The following DAXX variants were observed in gnomAD, a reference collection of about 807,000 sequenced individuals.
DAXX encodes the protein death domain-associated protein 6.
DAXX carries 24 observed loss-of-function variants against 61.9 expected under a neutral mutation model. The observed-to-expected ratio is 0.39, with a 90% CI of 0.28 to 0.55. The LOEUF is 0.55. Ranked by LOEUF, DAXX falls within the 20% of genes least tolerant of loss-of-function variation. DAXX has a pLI of 0.69. For missense variants in DAXX, 819 were observed against 935.3 expected (o/e 0.88, Z 1.62); for synonymous variants, 357 against 369.5 (o/e 0.97, Z 0.39).
At chr6:33,322,815 C>A (rs1420486154) in intron 1 of DAXX, 47 bp downstream of exon 1, 1 of 955,538 alleles carries the variant, frequency 1.0e-6, no homozygotes, top group African/African-American at 1.6e-5. Context: ...ACCTCTCCCT[C>A]TATATCCCCG....
Position 33,321,944 on chromosome 6 carries a change from G to T in DAXX, c.-19C>A. The T allele has an allele frequency of 6.3e-7, 1 of 1,596,952 alleles. No individual in the cohort carries two copies. ...TGGCCATAGGGGATCAAATCCCCCG[G>T]AGGGAGGAAGTGGTGGGGATTTCAG... On this transcript the variant is annotated 5_prime_UTR_variant, in exon 2 of 8. Coordinates refer to ENST00000374542, the MANE Select transcript of DAXX (RefSeq NM_001141969.2). This position sits in a 1 kb window ranked among gnomAD's most constrained non-coding sequence, Gnocchi z 7.2.
Position 33,320,848 on chromosome 6 carries a change from G to A in DAXX, c.927C>T (p.Leu309=). The change falls in exon 3 of 8, where the codon CTC becomes CTT. Residue 309 remains leucine (L), a synonymous_variant. Transcript: ENST00000374542. This position sits in a 1 kb window ranked among gnomAD's most constrained non-coding sequence, Gnocchi z 7.1. The part of the protein sequence containing the change: ...RHSLGLPRQQ[L]QLMAQDAFRD... ...GGAAGGCATCCTGAGCCATGAGCTG[G>A]AGCTGCTGTCGGGGGAGGCCAAGGC... is the stretch of plus-strand genomic sequence containing the variant. 4.3e-6 allele frequency: 7 copies of A among 1,614,176 alleles called. No individual in the cohort carries two copies. Among genetic ancestry groups the A allele is most frequent in the Non-Finnish European group, 5.9e-6 (7 of 1,180,018 alleles).
chr6:33,321,607 A>G lies in DAXX; in HGVS notation c.208-40T>C, dbSNP rs1369485618. ...GGAAGAAGGAAGGGGAAGAGAGACA[A>G]GGGAGGGGGTTGAGAGAAAGGGGAG... On this transcript the variant is annotated intron_variant, in intron 2 of 7. Transcript: ENST00000374542. This position sits in a 1 kb window ranked among gnomAD's most constrained non-coding sequence, Gnocchi z 7.2. 6.3e-7 allele frequency: 1 copy of G among 1,583,316 alleles called. No individual in the cohort carries two copies. The highest frequency in any genetic ancestry group is 8.7e-7 in the Non-Finnish European group (1 of 1,155,260).
At position 33,318,821 on chromosome 6, in the gene DAXX, CAA is replaced by C. The variant is rs774769185; in HGVS notation, c.2164-21_2164-20del. ...CACTTGTCTGCAGGGAAGTGAGAGACAAAGAGTCAAAGAGATCTGGAGTACAG... is the reference window on the plus strand; with the variant it reads ...CACTTGTCTGCAGGGAAGTGAGAGACAGAGTCAAAGAGATCTGGAGTACAG... On this transcript the variant is annotated intron_variant, in intron 7 of 7. Coordinates refer to ENST00000374542, the MANE Select transcript of DAXX (RefSeq NM_001141969.2). 6 of 1,429,378 alleles carry C rather than the reference CAA, an allele frequency of 4.2e-6. No individual in the cohort carries two copies. The highest frequency in any genetic ancestry group is 2.3e-5 in the East Asian group (1 of 43,756). 88.5% of individuals were successfully genotyped at this position (1,429,378 alleles called of 1,614,324 possible). A position where few individuals can be genotyped will look rare whatever the true frequency, so the allele number is the denominator to read the frequency against.
Position 33,321,839 on chromosome 6 carries a change from G to A in DAXX, c.87C>T (p.Pro29=). The change falls in exon 2 of 8, where the codon CCC becomes CCT. Residue 29 remains proline, a synonymous_variant. Transcript: ENST00000374542. The surrounding 1 kb of genome is among the most constrained non-coding windows in gnomAD (Gnocchi z 7.2). ...AAQPGPSHPL[P]NAASPGAEAP... ...CTTCTGCCCCAGGTGAGGCCGCATT[G>A]GGGAGTGGGTGGGAGGGCCCTGGCT... The A allele has an allele frequency of 1.9e-6, 3 of 1,612,564 alleles. No homozygotes were observed. The highest frequency in any genetic ancestry group is 2.5e-6 in the Non-Finnish European group (3 of 1,179,120).
Position 33,321,298 on chromosome 6 carries a change from G to A in DAXX, c.477C>T (p.Asn159=), listed in dbSNP as rs772209008. The A allele has an allele frequency of 6.8e-6, 11 of 1,611,620 alleles. No individual in the cohort carries two copies. Among genetic ancestry groups the A allele is most frequent in the Non-Finnish European group, 9.3e-6 (11 of 1,177,656 alleles). Residue 159 remains asparagine, a synonymous_variant, in exon 3 of 8, where the codon AAC becomes AAT. Coordinates refer to ENST00000374542, the MANE Select transcript of DAXX (RefSeq NM_001141969.2). The surrounding 1 kb of genome is among the most constrained non-coding windows in gnomAD (Gnocchi z 7.2). ...GGTCCAAGGAGAGGTGTGTGGGAGG[G>A]TTATTCCCAGAGGGCTCATTGGAGG... ...ATTSNEPSGN[N]PPTHLSLDPT...
chr6:33,321,915 G>C lies in DAXX; in HGVS notation c.11C>G (p.Ala4Gly). 2.5e-6 allele frequency: 4 copies of C among 1,607,890 alleles called. No individual in the cohort carries two copies. Among genetic ancestry groups the C allele is most frequent in the Non-Finnish European group, 3.4e-6 (4 of 1,176,478 alleles). Residue 4 changes from alanine (A) to glycine (G), a missense_variant, in exon 2 of 8, where the codon GCT becomes GGT. Physicochemically the swap from Ala to Gly is moderately conservative, Grantham distance 60. Coordinates refer to ENST00000374542, the MANE Select transcript of DAXX (RefSeq NM_001141969.2). This position sits in a 1 kb window ranked among gnomAD's most constrained non-coding sequence, Gnocchi z 7.2. ...ATCATCCAGCACGATGATGCTGTTA[G>C]CGGTGGCCATAGGGGATCAAATCCC... Reference protein sequence around the residue: MATANSIIVLDDDD... With the variant: MATGNSIIVLDDDD...
At position 33,321,578 on chromosome 6, in the gene DAXX, CAGGGGAAGAAGGA is replaced by C; in HGVS notation, c.208-24_208-12del. 1.2e-6 allele frequency: 2 copies of C among 1,602,546 alleles called. No individual in the cohort carries two copies. Among genetic ancestry groups the C allele is most frequent in the Non-Finnish European group, 1.7e-6 (2 of 1,173,336 alleles). ...ACAAAGTTCAAGGAACTAGAAGGTTCAGGGGAAGAAGGAAGGGGAAGAGAGACAAGGGAGGGGG... is the reference window on the plus strand; with the variant it reads ...ACAAAGTTCAAGGAACTAGAAGGTTCAGGGGAAGAGAGACAAGGGAGGGGG... On this transcript the variant is annotated splice_polypyrimidine_tract_variant and intron_variant, in intron 2 of 7. Coordinates refer to ENST00000374542, the MANE Select transcript of DAXX (RefSeq NM_001141969.2). The surrounding 1 kb of genome is among the most constrained non-coding windows in gnomAD (Gnocchi z 7.2).
intron 1 of DAXX, 170 bp downstream of exon 1, chr6:33,322,692 G>A (rs945627617): frequency 6.9e-5 from 26 of 376,844 alleles, no homozygotes; most frequent in Non-Finnish European, 1.1e-4. Context: ...CGCTAGATGC[G>A]CTTCCCGCCA....
In DAXX at chr6:33,320,537, C is replaced by T. The variant is rs745927122; in HGVS notation, c.1094G>A (p.Arg365Gln). The change falls in exon 4 of 8, where the codon CGG becomes CAG. Residue 365 changes from arginine to glutamine, a missense_variant. Coordinates refer to ENST00000374542, the MANE Select transcript of DAXX (RefSeq NM_001141969.2). This position sits in a 1 kb window ranked among gnomAD's most constrained non-coding sequence, Gnocchi z 7.1. ...ATCCAGCCGACTCATGGCCAAACTC[C>T]GGTTTTCCCGAAGGCGCCGGGCCAA... Reference protein sequence around the residue: ...PVLARRLRENRSLAMSRLDEV... With the variant: ...PVLARRLRENQSLAMSRLDEV... The T allele has an allele frequency of 3.1e-6, 5 of 1,614,056 alleles. No individual in the cohort carries two copies. The South Asian group carries it at 3.3e-5, about 11-fold the overall frequency.
chr6:33,318,625 T>TTA lies in DAXX; in HGVS notation c.*117_*118insTA, dbSNP rs9257106. 48 of 449,548 alleles carry TTA rather than the reference T, an allele frequency of 1.1e-4. No homozygotes were observed. The highest frequency in any genetic ancestry group is 6.7e-4 in the African/African-American group (33 of 49,108). The allele number at this position is 449,548 out of a possible 1,614,324, so 27.8% of individuals were successfully genotyped here. A position where few individuals can be genotyped will look rare whatever the true frequency, so the allele number is the denominator to read the frequency against. ...TAAAACTTAAGCTTTTTTTTTTTTT[T>TTA]AAAGAAACACCACCAAAAGGGGATT... On this transcript the variant is annotated 3_prime_UTR_variant, in exon 8 of 8. Coordinates refer to ENST00000374542, the MANE Select transcript of DAXX (RefSeq NM_001141969.2).
chr6:33,320,767 A>G lies in DAXX; in HGVS notation c.1008T>C (p.Phe336=), dbSNP rs1407568765. Residue 336 remains phenylalanine, a synonymous_variant, in exon 3 of 8, where the codon TTT becomes TTC. Transcript: ENST00000374542. The surrounding 1 kb of genome is among the most constrained non-coding windows in gnomAD (Gnocchi z 7.1). ...ERRHLDLIYN[F]GCHLTDDYRP... ...TATAGTCATCTGTGAGGTGGCAGCCAAAGTTGTAGATGAGATCGAGGTGAC... is the reference window on the plus strand; with the variant it reads ...TATAGTCATCTGTGAGGTGGCAGCCGAAGTTGTAGATGAGATCGAGGTGAC... The G allele has an allele frequency of 1.3e-5, 21 of 1,614,000 alleles. No individual in the cohort carries two copies. Among genetic ancestry groups the G allele is most frequent in the Admixed American group, 5.0e-5 (3 of 59,996 alleles).
intron 1 of DAXX, among the ~76,000 whole-genome samples, chr6:33,322,374 C>G (rs2151001338): frequency 6.6e-6 from 1 of 152,222 alleles, no homozygotes; most frequent in Non-Finnish European, 1.5e-5. Flanking sequence ...TGCTCTCAAA[C>G]AAGTCAACCC....
intron 1 of DAXX, 178 bp from the exon 2 acceptor site, chr6:33,322,155 G>GGGC (rs1041848103): frequency 2.3e-5 from 7 of 300,546 alleles, no homozygotes; most frequent in African/African-American, 2.2e-4. Flanking sequence ...CAAGTGGTGT[G>GGGC]GGGGGGGGGC....
rs767778240 is a variant in DAXX at position 33,319,367 on chromosome 6, CTCT to C, written c.1940+10_1940+12del. On this transcript the variant is annotated intron_variant, in intron 6 of 7. Coordinates refer to ENST00000374542, the MANE Select transcript of DAXX (RefSeq NM_001141969.2). ...CTCCTTGGCTTCCCTCTTCCTCCTCCTCTTGTTATTACCTGTTTCCTAATGGCC... is the reference window on the plus strand; with the variant it reads ...CTCCTTGGCTTCCCTCTTCCTCCTCCTGTTATTACCTGTTTCCTAATGGCC... The C allele has an allele frequency of 6.2e-7, 1 of 1,605,422 alleles. No individual in the cohort carries two copies. Among genetic ancestry groups the C allele is most frequent in the African/African-American group, 1.3e-5 (1 of 74,492 alleles).
Position 33,322,922 on chromosome 6 carries a change from T to G in DAXX, c.-113A>C, listed in dbSNP as rs375983513. On this transcript the variant is annotated 5_prime_UTR_variant, in exon 1 of 8. Transcript: ENST00000374542. ...ATTCTCAGAACCTCGCATGGTTCCC[T>G]CCGCCTTCCTTCCCACTCCCACCGC... The G allele has an allele frequency of 2.8e-6, 4 of 1,410,360 alleles. No homozygotes were observed. Among genetic ancestry groups the G allele is most frequent in the Non-Finnish European group, 3.8e-6 (4 of 1,044,262 alleles). The allele number at this position is 1,410,360 out of a possible 1,614,324, so 87.4% of individuals were successfully genotyped here. A position where few individuals can be genotyped will look rare whatever the true frequency, so the allele number is the denominator to read the frequency against.
rs1448368722 is a variant in DAXX at position 33,319,110 on chromosome 6, T to A, written c.2050A>T (p.Thr684Ser). The A allele has an allele frequency of 1.2e-6, 2 of 1,614,026 alleles. No individual in the cohort carries two copies. Among genetic ancestry groups the A allele is most frequent in the Admixed American group, 3.3e-5 (2 of 60,000 alleles). ...CCATGGCTGGGAGAGTCCACCCTCGTGGAGGAATCAGCAACTGGGGCCAAG... is the reference window on the plus strand; with the variant it reads ...CCATGGCTGGGAGAGTCCACCCTCGAGGAGGAATCAGCAACTGGGGCCAAG... ...ASLAPVADSS[T>S]RVDSPSHGLV... Residue 684 changes from threonine to serine, a missense_variant, in exon 7 of 8, where the codon ACG (threonine) becomes TCG (serine). Transcript: ENST00000374542.
chr6:33,319,986 TGAG>T (rs1390573486), intron 5 of DAXX, 22 bp downstream of exon 5: 3 of 1,613,402 alleles, frequency 1.9e-6, no homozygotes, highest in African/African-American at 1.3e-5. Flanking sequence ...AAATGACAGG[TGAG>T]GAGAATGTTC....
rs760674231 is a variant in DAXX, at chr6:33,319,788, C to T, written c.1532G>A (p.Gly511Asp). 5 of 1,614,168 alleles carry T rather than the reference C, an allele frequency of 3.1e-6. No individual in the cohort carries two copies. The highest frequency in any genetic ancestry group is 4.2e-6 in the Non-Finnish European group (5 of 1,180,032). ...QISNEKNLEP[G>D]KQISRSSGEQ... ...CCCTGAAGATCTGCTGATCTGTTTGCCAGGTTCCAGGTTCTTTTCATTGGA... is the reference window on the plus strand; with the variant it reads ...CCCTGAAGATCTGCTGATCTGTTTGTCAGGTTCCAGGTTCTTTTCATTGGA... The change falls in exon 6 of 8, where the codon GGC (glycine) becomes GAC (aspartate). Residue 511 changes from glycine (G) to aspartate (D), a missense_variant. Coordinates refer to ENST00000374542, the MANE Select transcript of DAXX (RefSeq NM_001141969.2).
Sources: gnomAD v4.1 joint callset for allele counts (sites outside exome capture counted in the v4.1 genomes callset) on GRCh38, gnomAD v4.1.1 for gene constraint, Gnocchi (gnomAD v3.1) non-coding constraint, MANE v1.5 for transcripts, NCBI Gene and HGNC (gene_info 2026-07-23, HGNC 2026-07-21) for gene names.